Variants in NCAM2 observed in about 807,000 individuals in gnomAD.
NCAM2 encodes the protein N-CAM-2.
In NCAM2, 30 loss-of-function variants were observed where a neutral mutation model predicts 98.1. The ratio of observed to expected loss-of-function variants is 0.31; its 90% confidence interval spans 0.23 to 0.41. The LOEUF (loss-of-function observed/expected upper bound fraction) is 0.41, where lower values mean the gene tolerates loss of function less well. NCAM2 is among the 10% of genes least tolerant of loss of function. NCAM2 has a pLI of 1.00. For synonymous variants in NCAM2, 368 were observed against 342.4 expected (o/e 1.07, Z -0.83); for missense variants, 867 against 1,005.8 (o/e 0.86, Z 1.87).
intron 15 of NCAM2, among the ~76,000 whole-genome samples, chr21:21,494,519 A>G (rs907107389): frequency 6.6e-6 from 1 of 151,946 alleles, no homozygotes; most frequent in Admixed American, 6.6e-5. Flanking sequence ...TACAAACACT[A>G]GTTGTTTTAT....
intron 8 of NCAM2, among the ~76,000 whole-genome samples, chr21:21,359,696 T>C (rs1412685752): frequency 1.3e-5 from 2 of 151,952 alleles, no homozygotes. Flanking sequence ...ATTATTTTCT[T>C]CTTATAAATA....
At chr21:21,518,217 T>C (rs1462108421) in intron 16 of NCAM2, among the ~76,000 whole-genome samples, 2 of 152,164 alleles carry the variant, frequency 1.3e-5, no homozygotes, top group Admixed American at 6.5e-5. Flanking sequence ...CTTTACTAGA[T>C]TGTTTGTCTA....
At chr21:21,009,917 G>T (rs980206775) in intron 1 of NCAM2, among the ~76,000 whole-genome samples, 5 of 149,724 alleles carry the variant, frequency 3.3e-5, no homozygotes, top group Non-Finnish European at 7.4e-5. Context: ...GTGTGTGTGT[G>T]TTTTAATGAT....
chr21:21,062,548 A>G (rs773645584), intron 1 of NCAM2, among the ~76,000 whole-genome samples: 7 of 152,330 alleles, frequency 4.6e-5, no homozygotes, highest in East Asian at 1.9e-4. Context: ...ACTTGCCCTC[A>G]TAAGGAGCTA....
intron 1 of NCAM2, among the ~76,000 whole-genome samples, chr21:21,218,728 A>C (rs1393416135): frequency 6.6e-6 from 1 of 152,222 alleles, no homozygotes; most frequent in African/African-American, 2.4e-5. Context: ...AGAAAGGAAC[A>C]CAGCCCTGCT....
At chr21:21,500,354 T>A (rs895589379) in intron 15 of NCAM2, among the ~76,000 whole-genome samples, 1 of 152,120 alleles carries the variant, frequency 6.6e-6, no homozygotes, top group Non-Finnish European at 1.5e-5. Flanking sequence ...ATTGAATAAA[T>A]CTATCCATTT....
intron 1 of NCAM2, among the ~76,000 whole-genome samples, chr21:21,227,326 G>T (rs2070427428): frequency 6.6e-6 from 1 of 151,684 alleles, no homozygotes. Context: ...CAAAGAAAAG[G>T]TAGTTACTAT....
intron 12 of NCAM2, among the ~76,000 whole-genome samples, chr21:21,458,311 G>A (rs1229722626): frequency 6.6e-6 from 1 of 152,220 alleles, no homozygotes. Flanking sequence ...GGCACAATGT[G>A]CCCCCAGGCC....
chr21:21,532,753 G>C (rs1869456952), intron 16 of NCAM2, among the ~76,000 whole-genome samples: 1 of 152,040 alleles, frequency 6.6e-6, no homozygotes, highest in African/African-American at 2.4e-5. Context: ...TTTTTTAAAA[G>C]AATCAATTGA....
At chr21:21,172,712 T>C (rs894970315) in intron 1 of NCAM2, among the ~76,000 whole-genome samples, 1 of 152,152 alleles carries the variant, frequency 6.6e-6, no homozygotes, top group Non-Finnish European at 1.5e-5. Flanking sequence ...GATTCATTAA[T>C]ACTTTAGTCA....
At chr21:21,505,036 A>G (rs532998877) in intron 15 of NCAM2, among the ~76,000 whole-genome samples, 12 of 152,156 alleles carry the variant, frequency 7.9e-5, no homozygotes, top group African/African-American at 2.9e-4. Flanking sequence ...TATTTTTAAC[A>G]CAAACCTATT....
intron 5 of NCAM2, among the ~76,000 whole-genome samples, chr21:21,300,547 C>T (rs11387244): frequency 0.43 from 63,826 of 147,544 alleles, 14,680 homozygotes; most frequent in Non-Finnish European, 0.54. Flanking sequence ...AGCCTCTTTA[C>T]AATGTACCTT....
chr21:21,392,300 C>T (rs1364076765), intron 9 of NCAM2, among the ~76,000 whole-genome samples: 1 of 152,224 alleles, frequency 6.6e-6, no homozygotes, highest in African/African-American at 2.4e-5. Context: ...TTTATGGCTA[C>T]ATAGTATTCC....
At chr21:21,536,988 T>C (rs1430495140) in intron 17 of NCAM2, among the ~76,000 whole-genome samples, 1 of 152,066 alleles carries the variant, frequency 6.6e-6, no homozygotes, top group Non-Finnish European at 1.5e-5. Flanking sequence ...AGAAAACATA[T>C]ACAATAAATA....
intron 1 of NCAM2, among the ~76,000 whole-genome samples, chr21:21,017,568 C>G (rs975359978): frequency 6.6e-6 from 1 of 151,672 alleles, no homozygotes; most frequent in African/African-American, 2.4e-5. Context: ...TGCAGACTCA[C>G]TAATCCGGGT....
chr21:21,202,358 C>A (rs1056874903), intron 1 of NCAM2, among the ~76,000 whole-genome samples: 2 of 148,410 alleles, frequency 1.3e-5, no homozygotes, highest in Admixed American at 6.8e-5. Context: ...AGCTAGAATA[C>A]TTATCATTAA....
At chr21:21,213,999 T>C (rs2069764508) in intron 1 of NCAM2, among the ~76,000 whole-genome samples, 1 of 152,186 alleles carries the variant, frequency 6.6e-6, no homozygotes, top group African/African-American at 2.4e-5. Context: ...CCTTTGTGAT[T>C]CATTTTGGAG....
chr21:21,003,090 C>G (rs1424415814), intron 1 of NCAM2, among the ~76,000 whole-genome samples: 1 of 152,038 alleles, frequency 6.6e-6, no homozygotes, highest in Non-Finnish European at 1.5e-5. Flanking sequence ...TAACAATTTA[C>G]AGTTATAATA....
chr21:21,440,163 A>G (rs1435937793), intron 12 of NCAM2, among the ~76,000 whole-genome samples: 1 of 152,206 alleles, frequency 6.6e-6, no homozygotes. Flanking sequence ...ATGTGTCATT[A>G]AAATAACCTT....
Sources: allele counts gnomAD v4.1 joint callset (sites outside exome capture counted in the v4.1 genomes callset), GRCh38; gene constraint gnomAD v4.1.1; transcripts MANE v1.5; gene names NCBI Gene and HGNC (gene_info 2026-07-23, HGNC 2026-07-21).